Variants in GNAL observed in about 807,000 individuals in gnomAD.
The protein encoded by GNAL is G protein subunit alpha L, also known as guanine nucleotide-binding protein G(olf) subunit alpha.
Under a neutral mutation model 55.1 loss-of-function variants are expected in GNAL, and 18 were observed. The observed-to-expected ratio is 0.33, with a 90% CI of 0.23 to 0.48. The LOEUF (loss-of-function observed/expected upper bound fraction) is 0.48, where lower values mean the gene tolerates loss of function less well. GNAL is among the 20% of genes least tolerant of loss of function. GNAL has a pLI of 0.99. For synonymous variants in GNAL, 253 were observed against 237.0 expected (o/e 1.07, Z -0.62); for missense variants, 412 against 614.1 (o/e 0.67, Z 3.48).
At chr18:11,800,408 C>T (rs9303748) in intron 4 of GNAL, among the ~76,000 whole-genome samples, 36,940 of 152,084 alleles carry the variant, frequency 0.24, 5,260 homozygotes, top group African/African-American at 0.39. Context: ...TGCTTATTAT[C>T]CTCTCACTGG....
At chr18:11,827,887 C>G (rs774447994) in intron 5 of GNAL, among the ~76,000 whole-genome samples, 1 of 150,364 alleles carries the variant, frequency 6.7e-6, no homozygotes, top group African/African-American at 2.5e-5. Context: ...AGGGGAATGG[C>G]GTGAACCCGG....
intron 5 of GNAL, among the ~76,000 whole-genome samples, chr18:11,841,978 T>G (rs2035624979): frequency 1.3e-5 from 2 of 151,862 alleles, no homozygotes; most frequent in African/African-American, 2.4e-5. Flanking sequence ...AGTTCAGATT[T>G]TTTTTTTTTT....
intron 5 of GNAL, among the ~76,000 whole-genome samples, chr18:11,837,867 A>C (rs7228728): frequency 0.064 from 9,720 of 152,286 alleles, 526 homozygotes; most frequent in African/African-American, 0.15. Context: ...CAGGCTGGGC[A>C]TGGTGGCTCA....
intron 6 of GNAL, among the ~76,000 whole-genome samples, chr18:11,863,350 C>T (rs931300655): frequency 2.0e-5 from 3 of 152,230 alleles, no homozygotes; most frequent in African/African-American, 4.8e-5. Flanking sequence ...AAACCACACT[C>T]TCCAAACTTC....
Position 11,753,827 on chromosome 18 carries a change from C to A in GNAL, c.506C>A (p.Thr169Lys). The change falls in exon 4 of 12, where the codon ACA becomes AAA. Residue 169 changes from threonine to lysine, a missense_variant and splice_region_variant. Thr to Lys is a moderately conservative substitution (Grantham distance 78, BLOSUM62 -1). Around this residue, in one of 5 missense-constraint regions of GNAL, gnomAD observed 47 missense variants for 82.7 expected, o/e 0.57. Transcript: ENST00000334049. Reference sequence around the variant, plus strand: ...ATTTTTTTTCTTATTCCATTTTAGACAATTGTTTCAGCAATGAGTACTATA... The same window carrying A: ...ATTTTTTTTCTTATTCCATTTTAGAAAATTGTTTCAGCAATGAGTACTATA... Reference protein sequence around the residue: ...IRKNVKDAIVTIVSAMSTIIP... With the variant: ...IRKNVKDAIVKIVSAMSTIIP... 6.2e-7 allele frequency: 1 copy of A among 1,606,622 alleles called. No individual in the cohort carries two copies. The highest frequency in any genetic ancestry group is 8.5e-7 in the Non-Finnish European group (1 of 1,173,938).
intron 11 of GNAL, among the ~76,000 whole-genome samples, chr18:11,877,001 G>A (rs1326670206): frequency 1.3e-5 from 2 of 152,176 alleles, no homozygotes; most frequent in African/African-American, 4.8e-5. Flanking sequence ...CTTCAGCAGA[G>A]TCTAAGCACC....
intron 11 of GNAL, among the ~76,000 whole-genome samples, chr18:11,879,954 T>C (rs553778770): frequency 1.2e-4 from 19 of 152,098 alleles, no homozygotes; most frequent in Admixed American, 3.3e-4. Context: ...TGGGCACATA[T>C]GGACATTTAA....
At chr18:11,799,703 C>T (rs1484122935) in intron 4 of GNAL, among the ~76,000 whole-genome samples, 1 of 152,140 alleles carries the variant, frequency 6.6e-6, no homozygotes, top group South Asian at 2.1e-4. Flanking sequence ...ATATGAAATA[C>T]TTTTGGCCCC....
chr18:11,787,631 T>C (rs910932464), intron 4 of GNAL, among the ~76,000 whole-genome samples: 6 of 152,148 alleles, frequency 3.9e-5, no homozygotes, highest in Non-Finnish European at 7.4e-5. Flanking sequence ...TCCTAGCACT[T>C]TGGGAGGCCG....
rs985540030 is a variant in GNAL, at chr18:11,856,504, CAA to C, written c.723-5890_723-5889del. On this transcript the variant is annotated intron_variant, in intron 5 of 11. Transcript: ENST00000334049. Reference sequence around the variant, plus strand: ...GCACAGAGTCCCAAGTATGGACACTCAAGAGCTGTGTCCTCTTCCTTCACAGC... The same window carrying C: ...GCACAGAGTCCCAAGTATGGACACTCGAGCTGTGTCCTCTTCCTTCACAGC... Among the ~76,000 whole-genome samples, 81 of 151,494 alleles carry C rather than the reference CAA, an allele frequency of 5.3e-4. 5 individuals are homozygous for C. Among genetic ancestry groups the C allele is most frequent in the African/African-American group, 1.7e-3 (70 of 40,772 alleles).
chr18:11,705,584 G>A (rs1161633454), intron 1 of GNAL, among the ~76,000 whole-genome samples: 1 of 152,074 alleles, frequency 6.6e-6, no homozygotes, highest in African/African-American at 2.4e-5. Context: ...CAGCGTACAA[G>A]GGTTTCAGTT....
At chr18:11,821,118 G>A (rs992836598) in intron 4 of GNAL, among the ~76,000 whole-genome samples, 5 of 152,192 alleles carry the variant, frequency 3.3e-5, no homozygotes, top group African/African-American at 9.7e-5. Flanking sequence ...TTTGTGAATC[G>A]TGGAAGGACC....
At chr18:11,843,982 A>C (rs1291874184) in intron 5 of GNAL, among the ~76,000 whole-genome samples, 4 of 152,056 alleles carry the variant, frequency 2.6e-5, no homozygotes, top group East Asian at 1.9e-4. Context: ...TCAAAAAAAA[A>C]CAAAAAACTT....
At chr18:11,693,740 T>C (rs1197275509) in intron 1 of GNAL, among the ~76,000 whole-genome samples, 1 of 136,936 alleles carries the variant, frequency 7.3e-6, no homozygotes, top group African/African-American at 3.1e-5. Flanking sequence ...TCCAGCAGTG[T>C]CTTTTTTTTT....
intron 4 of GNAL, among the ~76,000 whole-genome samples, chr18:11,790,815 C>A (rs1419252119): frequency 6.6e-6 from 1 of 151,892 alleles, no homozygotes; most frequent in African/African-American, 2.4e-5. Context: ...CGCCACCACG[C>A]CCAGCTAATT....
intron 1 of GNAL, among the ~76,000 whole-genome samples, chr18:11,726,325 T>A (rs902903375): frequency 2.6e-5 from 4 of 152,384 alleles, no homozygotes; most frequent in Middle Eastern, 3.4e-3. Flanking sequence ...CCACTTTATC[T>A]TCTTCCTCTT....
intron 5 of GNAL, among the ~76,000 whole-genome samples, chr18:11,851,234 C>G (rs1179105452): frequency 1.3e-5 from 2 of 152,224 alleles, no homozygotes; most frequent in East Asian, 1.9e-4. Context: ...GCGCAGGAAG[C>G]GAGCGTTCCC....
chr18:11,761,406 G>A (rs896508444), intron 4 of GNAL, among the ~76,000 whole-genome samples: 5 of 152,204 alleles, frequency 3.3e-5, no homozygotes, highest in Non-Finnish European at 7.3e-5. Flanking sequence ...CTCTCTGGCA[G>A]GTTACCATGG....
chr18:11,792,977 A>C (rs200898768), intron 4 of GNAL, among the ~76,000 whole-genome samples: 1 of 152,214 alleles, frequency 6.6e-6, no homozygotes, highest in East Asian at 1.9e-4. Context: ...AGATTGAACT[A>C]ATTCTAAGAG....
Sources: gnomAD v4.1 joint callset for allele counts (sites outside exome capture counted in the v4.1 genomes callset) on GRCh38, gnomAD v4.1.1 for gene constraint, gnomAD v4.1.1 regional missense constraint, MANE v1.5 for transcripts, NCBI Gene and HGNC (gene_info 2026-07-23, HGNC 2026-07-21) for gene names.